Variants in PTPRD observed in about 807,000 individuals in gnomAD.
PTPRD encodes the protein receptor-type tyrosine-protein phosphatase delta.
In PTPRD, 34 loss-of-function variants were observed where a neutral mutation model predicts 214.5. The ratio of observed to expected loss-of-function variants is 0.16; its 90% confidence interval spans 0.12 to 0.21. The LOEUF (loss-of-function observed/expected upper bound fraction) is 0.21, where lower values mean the gene tolerates loss of function less well. Among genes scored for constraint, PTPRD ranks in the 10% least tolerant of loss-of-function variants. The pLI is 1.00. For missense variants in PTPRD, 2,545 were observed against 2,398.7 expected, an observed-to-expected ratio of 1.06 and a Z score of -1.27; for synonymous variants, 1,128 against 845.7, an observed-to-expected ratio of 1.33 and a Z score of -5.79.
chr9:10,376,389 T>C (rs573678855), intron 2 of PTPRD, among the ~76,000 whole-genome samples: 1 of 151,870 alleles, frequency 6.6e-6, no homozygotes, highest in African/African-American at 2.4e-5. Context: ...ACAAATATGG[T>C]TATTTAAGAA....
chr9:8,598,938 G>T (rs931513972), intron 14 of PTPRD, among the ~76,000 whole-genome samples: 4 of 152,134 alleles, frequency 2.6e-5, no homozygotes, highest in African/African-American at 9.7e-5. Flanking sequence ...GGAGACAAAG[G>T]TTGAACTTTA....
intron 10 of PTPRD, among the ~76,000 whole-genome samples, chr9:9,117,419 C>A (rs1033451859): frequency 6.6e-6 from 1 of 151,992 alleles, no homozygotes; most frequent in Non-Finnish European, 1.5e-5. Context: ...GAAAGTGATT[C>A]AAATGAGATA....
At chr9:8,597,581 C>T (rs1052490423) in intron 14 of PTPRD, among the ~76,000 whole-genome samples, 1 of 152,046 alleles carries the variant, frequency 6.6e-6, no homozygotes, top group Non-Finnish European at 1.5e-5. Context: ...AAATAAAAAA[C>T]AGAATGCATT....
At chr9:9,355,412 T>G (rs902257670) in intron 9 of PTPRD, among the ~76,000 whole-genome samples, 13 of 151,504 alleles carry the variant, frequency 8.6e-5, no homozygotes, top group Admixed American at 6.6e-5. Context: ...ATTATGAAAA[T>G]GTGTTGAAGA....
At chr9:8,361,348 A>G (rs901269457) in intron 39 of PTPRD, among the ~76,000 whole-genome samples, 4 of 152,194 alleles carry the variant, frequency 2.6e-5, no homozygotes, top group Non-Finnish European at 5.9e-5. Context: ...GAAAATTTTA[A>G]AAGACTGCAA....
At chr9:9,713,618 C>T in intron 7 of PTPRD, among the ~76,000 whole-genome samples, 1 of 152,110 alleles carries the variant, frequency 6.6e-6, no homozygotes, top group East Asian at 1.9e-4. Flanking sequence ...TGAGCTGGTC[C>T]TTGAAAGGAT....
intron 8 of PTPRD, among the ~76,000 whole-genome samples, chr9:9,519,017 A>G (rs1439321831): frequency 6.6e-6 from 1 of 152,050 alleles, no homozygotes; most frequent in Non-Finnish European, 1.5e-5. Context: ...GAAATAAAAT[A>G]TAATTACAGT....
intron 2 of PTPRD, among the ~76,000 whole-genome samples, chr9:10,366,196 A>C (rs573169754): frequency 1.3e-5 from 2 of 152,162 alleles, no homozygotes; most frequent in Non-Finnish European, 2.9e-5. Context: ...ATGCTTCCCT[A>C]TGCCATCTGT....
At chr9:10,357,768 T>G (rs185852199) in intron 2 of PTPRD, among the ~76,000 whole-genome samples, 2 of 152,334 alleles carry the variant, frequency 1.3e-5, no homozygotes, top group Non-Finnish European at 2.9e-5. Flanking sequence ...ATGCATAAAG[T>G]GCCGGAATAG....
At chr9:8,368,746 T>C (rs140290355) in intron 39 of PTPRD, among the ~76,000 whole-genome samples, 7 of 150,066 alleles carry the variant, frequency 4.7e-5, no homozygotes, top group Admixed American at 2.0e-4. Flanking sequence ...TTTTCTATCA[T>C]AGGACTGTGC....
At chr9:8,482,088 A>G (rs1301737642) in intron 30 of PTPRD, among the ~76,000 whole-genome samples, 34 of 152,080 alleles carry the variant, frequency 2.2e-4, no homozygotes, top group Non-Finnish European at 5.9e-5. Flanking sequence ...GCCATCTTTA[A>G]TCTTAATAAC....
intron 8 of PTPRD, among the ~76,000 whole-genome samples, chr9:9,406,888 A>G (rs1384562526): frequency 6.7e-6 from 1 of 149,092 alleles, no homozygotes; most frequent in African/African-American, 2.5e-5. Context: ...TAGAAAAGGC[A>G]TTTTTTTCTG....
At chr9:9,600,089 G>A (rs953921384) in intron 7 of PTPRD, among the ~76,000 whole-genome samples, 5 of 151,978 alleles carry the variant, frequency 3.3e-5, no homozygotes, top group Middle Eastern at 3.2e-3. Context: ...TCTGAGGACT[G>A]ATCTTATGTT....
chr9:9,018,814 G>T (rs1311642422), intron 10 of PTPRD, 79 bp from the exon 11 acceptor site: 1 of 152,122 alleles, frequency 6.6e-6, no homozygotes, highest in South Asian at 2.1e-4. Flanking sequence ...GGTGATGCAT[G>T]TTTATATTAC....
At chr9:9,314,450 A>G (rs1569567291) in intron 9 of PTPRD, among the ~76,000 whole-genome samples, 1 of 152,134 alleles carries the variant, frequency 6.6e-6, no homozygotes, top group Non-Finnish European at 1.5e-5. Flanking sequence ...CCATCAAAGA[A>G]TGCAGGTGAT....
At chr9:9,386,083 G>C (rs966880426) in intron 9 of PTPRD, among the ~76,000 whole-genome samples, 2 of 152,060 alleles carry the variant, frequency 1.3e-5, no homozygotes, top group African/African-American at 4.8e-5. Context: ...ACAAAAAGAG[G>C]CAACTATTTG....
At chr9:10,484,134 A>T (rs1447063692) in intron 2 of PTPRD, among the ~76,000 whole-genome samples, 1 of 152,114 alleles carries the variant, frequency 6.6e-6, no homozygotes, top group Non-Finnish European at 1.5e-5. Flanking sequence ...TGATAAAATA[A>T]TGTATTTGCA....
chr9:8,853,527 T>G (rs774627034), intron 11 of PTPRD, among the ~76,000 whole-genome samples: 3 of 152,192 alleles, frequency 2.0e-5, no homozygotes, highest in African/African-American at 7.2e-5. Flanking sequence ...ATTACCCATA[T>G]AGAAAATGTA....
chr9:10,441,056 T>C (rs952798717), intron 2 of PTPRD, among the ~76,000 whole-genome samples: 2 of 151,756 alleles, frequency 1.3e-5, no homozygotes, highest in African/African-American at 4.8e-5. Flanking sequence ...TCTAAAGCTA[T>C]AACCTTATTT....
Sources: allele counts gnomAD v4.1 joint callset (sites outside exome capture counted in the v4.1 genomes callset), GRCh38; gene constraint gnomAD v4.1.1; transcripts MANE v1.5; gene names NCBI Gene and HGNC (gene_info 2026-07-23, HGNC 2026-07-21).